The following AKAP1 variants were observed in gnomAD, a reference collection of about 807,000 sequenced individuals.
AKAP1 encodes the protein A-kinase anchor protein 1, mitochondrial.
A neutral mutation model predicts 79.8 loss-of-function variants in AKAP1; 32 were observed. The observed-to-expected ratio is 0.40, with a 90% CI of 0.30 to 0.54. The LOEUF (loss-of-function observed/expected upper bound fraction) is 0.54, where lower values mean the gene tolerates loss of function less well. AKAP1 is among the 20% of genes least tolerant of loss of function. The pLI, the probability that AKAP1 is intolerant of heterozygous loss-of-function variation, is 0.47. For missense variants in AKAP1, 961 were observed against 1,138.9 expected, an observed-to-expected ratio of 0.84 and a Z score of 2.25; for synonymous variants, 416 against 466.7, an observed-to-expected ratio of 0.89 and a Z score of 1.40.
intron 1 of AKAP1, among the ~76,000 whole-genome samples, chr17:57,091,250 T>C (rs1407085819): frequency 6.6e-6 from 1 of 151,946 alleles, no homozygotes; most frequent in Admixed American, 6.5e-5. Context: ...ACCTCCCTGC[T>C]TTGTCCTTTG....
intron 9 of AKAP1, among the ~76,000 whole-genome samples, 153 bp from the exon 10 acceptor site, chr17:57,118,829 G>A (rs1915744768): frequency 2.6e-5 from 4 of 152,134 alleles, no homozygotes; most frequent in Admixed American, 2.6e-4. Context: ...TCACTATGAC[G>A]AGAACAGCAT....
In AKAP1 at chr17:57,110,032, C is replaced by G; in HGVS notation, c.1722C>G (p.Asp574Glu). The G allele has an allele frequency of 1.2e-6, 2 of 1,613,940 alleles. No individual in the cohort carries two copies. Among genetic ancestry groups the G allele is most frequent in the African/African-American group, 2.7e-5 (2 of 75,038 alleles). ...DAEADHSGGS[D>E]RNSMDSVDSC... ...CTGCTTCTTCCCCTGCAGGTTCTGA[C>G]AGGAACAGCATGGATTCCGTGGATA... is the stretch of plus-strand genomic sequence containing the variant. The change falls in exon 3 of 11, where the codon GAC (aspartate) becomes GAG (glutamate). Residue 574 changes from aspartate to glutamate, a missense_variant. Around this residue, in one of 3 missense-constraint regions of AKAP1, gnomAD observed 629 missense variants for 781.1 expected, o/e 0.81. Transcript: ENST00000337714.
chr17:57,116,400 C>T, intron 7 of AKAP1, 139 bp downstream of exon 7: 1 of 1,127,054 alleles, frequency 8.9e-7, no homozygotes, highest in Non-Finnish European at 1.3e-6. Flanking sequence ...TTAGCAGAGT[C>T]TGATAGAAAC....
At chr17:57,114,701 T>G in intron 6 of AKAP1, 65 bp downstream of exon 6, 14 of 1,433,932 alleles carry the variant, frequency 9.8e-6, no homozygotes, top group East Asian at 2.5e-5. Context: ...CCCTGGATCC[T>G]GATCAGGAGG....
chr17:57,112,194 C>T (rs1915289539), intron 4 of AKAP1, among the ~76,000 whole-genome samples: 1 of 152,038 alleles, frequency 6.6e-6, no homozygotes, highest in African/African-American at 2.4e-5. Context: ...TGCCCACCAC[C>T]CCATAAAGGC....
In AKAP1 at chr17:57,111,835, A is replaced by T. The variant is rs370264763; in HGVS notation, c.1886A>T (p.Tyr629Phe). 24 of 1,614,006 alleles carry T rather than the reference A, an allele frequency of 1.5e-5. No homozygotes were observed. The highest frequency in any genetic ancestry group is 1.9e-5 in the Non-Finnish European group (22 of 1,180,034). ...CGGCTAATTGGCAAGCAGGGGCGCT[A>T]TGTGAGTTTTCTGAAGCAAACATCT... ...VGRLIGKQGR[Y>F]VSFLKQTSGA... The change falls in exon 4 of 11, where the codon TAT becomes TTT. Residue 629 changes from tyrosine to phenylalanine, a missense_variant. Tyr to Phe is a conservative substitution (Grantham distance 22). Coordinates refer to ENST00000337714, the MANE Select transcript of AKAP1 (RefSeq NM_003488.4).
In AKAP1 at chr17:57,106,369, G is replaced by C. The variant is rs538528140; in HGVS notation, c.905G>C (p.Gly302Ala). The change falls in exon 2 of 11, where the codon GGA (glycine) becomes GCA (alanine). Residue 302 changes from glycine to alanine, a missense_variant. Transcript: ENST00000337714. ...AAAGCCCAGGATAGAGGTGTCGAGG[G>C]AGAACTGGGCAATGAGGAGAGCTTG... ...DAKAQDRGVE[G>A]ELGNEESLDR... The C allele has an allele frequency of 4.3e-6, 7 of 1,614,128 alleles. No individual in the cohort carries two copies. In the African/African-American group the frequency reaches 9.3e-5, roughly 22 times the overall value.
chr17:57,112,752 T>C, intron 5 of AKAP1, 134 bp downstream of exon 5: 1 of 1,305,076 alleles, frequency 7.7e-7, no homozygotes, highest in Non-Finnish European at 1.0e-6. Context: ...CTCTGGCCTC[T>C]GCTGGTCGGT....
rs763130055 is a variant in AKAP1, at chr17:57,116,978, A to C, written c.2500+51A>C. The C allele has an allele frequency of 3.9e-6, 6 of 1,552,714 alleles. No individual in the cohort carries two copies. In the South Asian group the frequency reaches 5.6e-5, roughly 14 times the overall value. ...GGGATTGTTGGGGACAGTTGTTGAGAGTAGGTCTTTCTCAGAGCCTCCGTT... is the reference window on the plus strand; with the variant it reads ...GGGATTGTTGGGGACAGTTGTTGAGCGTAGGTCTTTCTCAGAGCCTCCGTT... On this transcript the variant is annotated intron_variant, in intron 8 of 10. Coordinates refer to ENST00000337714, the MANE Select transcript of AKAP1 (RefSeq NM_003488.4).
intron 2 of AKAP1, chr17:57,107,886 G>A: frequency 1.3e-5 from 15 of 1,143,334 alleles, no homozygotes; most frequent in Non-Finnish European, 1.4e-5. Context: ...GGAGGCTTGA[G>A]CTTCCTGAGT....
intron 1 of AKAP1, among the ~76,000 whole-genome samples, chr17:57,097,654 C>T (rs1001954306): frequency 6.6e-6 from 1 of 152,224 alleles, no homozygotes. Context: ...AGTCCCTCAG[C>T]AGGAACTTAA....
At chr17:57,114,400 T>C in intron 5 of AKAP1, 59 bp from the exon 6 acceptor site, 1 of 1,586,482 alleles carries the variant, frequency 6.3e-7, no homozygotes, top group Non-Finnish European at 8.6e-7. Context: ...TCTCGGGACT[T>C]ATTCAAAGAT....
At chr17:57,109,717 G>A (rs1915116586) in intron 2 of AKAP1, among the ~76,000 whole-genome samples, 1 of 152,200 alleles carries the variant, frequency 6.6e-6, no homozygotes, top group Non-Finnish European at 1.5e-5. Context: ...CCTTCCCTGG[G>A]CGCAGTCTGT....
intron 1 of AKAP1, chr17:57,094,883 T>A (rs770398361): frequency 6.6e-6 from 1 of 152,218 alleles, no homozygotes; most frequent in Non-Finnish European, 1.5e-5. Flanking sequence ...GTGTTGGGAT[T>A]ACAGGTGTGA....
intron 8 of AKAP1, among the ~76,000 whole-genome samples, chr17:57,117,306 C>G (rs1915648380): frequency 6.6e-6 from 1 of 152,162 alleles, no homozygotes; most frequent in African/African-American, 2.4e-5. Flanking sequence ...GTGGGGACAC[C>G]CTATCTGGTG....
intron 1 of AKAP1, among the ~76,000 whole-genome samples, chr17:57,102,307 G>A (rs893746983): frequency 1.3e-5 from 2 of 152,068 alleles, no homozygotes; most frequent in African/African-American, 4.8e-5. Flanking sequence ...GTTGTAGGAT[G>A]TGGTTATGAG....
chr17:57,118,947 C>A (rs1160499956), intron 9 of AKAP1, 35 bp from the exon 10 acceptor site: 1 of 1,604,894 alleles, frequency 6.2e-7, no homozygotes, highest in Non-Finnish European at 8.5e-7. Context: ...GACACAAAAC[C>A]TAACCATATT....
At chr17:57,109,452 G>A (rs1915099046) in intron 2 of AKAP1, among the ~76,000 whole-genome samples, 1 of 152,232 alleles carries the variant, frequency 6.6e-6, no homozygotes. Flanking sequence ...GTCCACATAT[G>A]GCAGAGGAAC....
At chr17:57,108,732 C>T (rs1471973646) in intron 2 of AKAP1, among the ~76,000 whole-genome samples, 2 of 152,200 alleles carry the variant, frequency 1.3e-5, no homozygotes, top group Non-Finnish European at 1.5e-5. Flanking sequence ...AGAAGGGGAC[C>T]AGGGACCACC....
Sources: allele counts gnomAD v4.1 joint callset (sites outside exome capture counted in the v4.1 genomes callset), GRCh38; gene constraint gnomAD v4.1.1; regional missense constraint gnomAD v4.1.1; transcripts MANE v1.5; gene names NCBI Gene and HGNC (gene_info 2026-07-23, HGNC 2026-07-21).